NR1I2: variants seen among roughly 807,000 people sequenced by gnomAD.
The protein encoded by NR1I2 is nuclear receptor subfamily 1 group I member 2, also known as orphan nuclear receptor PAR1.
NR1I2 carries 42 observed loss-of-function variants against 43.3 expected under a neutral mutation model. The observed-to-expected ratio is 0.97, with a 90% CI of 0.76 to 1.26. The LOEUF (loss-of-function observed/expected upper bound fraction) is 1.26. Ranked by LOEUF, NR1I2 falls within the 50% of genes most tolerant of loss-of-function variation. The pLI is 0.00. For synonymous variants in NR1I2, 229 were observed against 215.0 expected (o/e 1.06, Z -0.57); for missense variants, 559 against 566.7 (o/e 0.99, Z 0.14).
At position 119,793,381 on chromosome 3, in the gene NR1I2, C is replaced by CA. The variant is rs763269599; in HGVS notation, c.-23+11083dup. ...ACAGCCTCAATCCTTACCACTCAGG[C>CA]AAGATTAAAGAGTTACAGTGCAGCA... On this transcript the variant is annotated intron_variant, in intron 1 of 8. Transcript: ENST00000393716. Among the ~76,000 whole-genome samples the CA allele has an allele frequency of 5.9e-5, 9 of 152,280 alleles. No individual in the cohort carries two copies. The South Asian group carries it at 1.5e-3, about 25-fold the overall frequency.
At chr3:119,794,002 A>G (rs2054958991) in intron 1 of NR1I2, among the ~76,000 whole-genome samples, 1 of 151,840 alleles carries the variant, frequency 6.6e-6, no homozygotes, top group Admixed American at 6.6e-5. Flanking sequence ...TGTATTTGTA[A>G]TTGCGTGTTT....
At chr3:119,806,060 TGTTAGAATTTTACTAAA>T (rs1218098956) in intron 1 of NR1I2, among the ~76,000 whole-genome samples, 1 of 152,218 alleles carries the variant, frequency 6.6e-6, no homozygotes, top group Non-Finnish European at 1.5e-5. Context: ...GAAATTTATG[TGTTAGAATTTTACTAAA>T]GTTTCGATTT....
chr3:119,815,656 G>A (rs1412329127), intron 7 of NR1I2, 70 bp from the exon 8 acceptor site: 14 of 1,378,056 alleles, frequency 1.0e-5, no homozygotes, highest in Non-Finnish European at 1.3e-5. Flanking sequence ...GGCGAGCAAT[G>A]CCCTGACTCT....
chr3:119,792,149 C>A, intron 1 of NR1I2: 1 of 856,982 alleles, frequency 1.2e-6, no homozygotes, highest in Non-Finnish European at 2.0e-6. Context: ...TCACCAGGAT[C>A]GGAGAAGACT....
chr3:119,808,008 T>C (rs137978253), intron 2 of NR1I2, among the ~76,000 whole-genome samples: 392 of 152,278 alleles, frequency 2.6e-3, no homozygotes, highest in Middle Eastern at 6.8e-3. Flanking sequence ...TTCTTCGTGG[T>C]GGCTGGGCAT....
chr3:119,789,610 G>A (rs1243712777), intron 1 of NR1I2, among the ~76,000 whole-genome samples: 1 of 152,186 alleles, frequency 6.6e-6, no homozygotes, highest in Admixed American at 6.5e-5. Context: ...TGAGATTTTG[G>A]TGGGGACACA....
chr3:119,800,914 T>C (rs1290673563), intron 1 of NR1I2, among the ~76,000 whole-genome samples: 1 of 152,134 alleles, frequency 6.6e-6, no homozygotes, highest in Non-Finnish European at 1.5e-5. Flanking sequence ...TAATAAACGG[T>C]TTACCCACTC....
At chr3:119,788,700 A>G (rs906830066) in intron 1 of NR1I2, among the ~76,000 whole-genome samples, 1 of 152,158 alleles carries the variant, frequency 6.6e-6, no homozygotes, top group African/African-American at 2.4e-5. Flanking sequence ...AGCTTCCCTA[A>G]GTGCTGGGAT....
intron 4 of NR1I2, among the ~76,000 whole-genome samples, chr3:119,812,437 G>A (rs1559790563): frequency 6.6e-6 from 1 of 152,222 alleles, no homozygotes; most frequent in East Asian, 1.9e-4. Flanking sequence ...AAGCAGGGAT[G>A]TGTGTGACCA....
Position 119,817,307 on chromosome 3 carries a change from GC to G in NR1I2, c.*97del. ...CCAAGACAGATGGACACTGCCAAGAGCCGACAATGCCCTGCTGGCCTGTCTC... is the reference window on the plus strand; with the variant it reads ...CCAAGACAGATGGACACTGCCAAGAGCGACAATGCCCTGCTGGCCTGTCTC... On this transcript the variant is annotated 3_prime_UTR_variant, in exon 9 of 9. Coordinates refer to ENST00000393716, the MANE Select transcript of NR1I2 (RefSeq NM_003889.4). 6.3e-7 allele frequency: 1 copy of G among 1,598,150 alleles called. No homozygotes were observed. Among genetic ancestry groups the G allele is most frequent in the Non-Finnish European group, 8.5e-7 (1 of 1,177,194 alleles).
At chr3:119,816,807 C>T (rs1044003440) in intron 8 of NR1I2, among the ~76,000 whole-genome samples, 6 of 144,206 alleles carry the variant, frequency 4.2e-5, no homozygotes, top group African/African-American at 1.6e-4. Context: ...GGTGACAGAA[C>T]GAGATCCTGT....
rs2055245060 is a variant in NR1I2 at position 119,811,681 on chromosome 3, G to T, written c.474G>T (p.Gln158His). Residue 158 changes from glutamine (Q) to histidine (H), a missense_variant, in exon 4 of 9, where the codon CAG becomes CAT. Coordinates refer to ENST00000393716, the MANE Select transcript of NR1I2 (RefSeq NM_003889.4). ...TGATCAGGGAGCTGATGGACGCTCAGATGAAAACCTTTGACACTACCTTCT... is the reference window on the plus strand; with the variant it reads ...TGATCAGGGAGCTGATGGACGCTCATATGAAAACCTTTGACACTACCTTCT... 1 of 1,613,648 alleles carries T rather than the reference G, an allele frequency of 6.2e-7. No homozygotes were observed. Among genetic ancestry groups the T allele is most frequent in the Non-Finnish European group, 8.5e-7 (1 of 1,179,798 alleles).
chr3:119,785,946 A>G (rs2054837215), intron 1 of NR1I2, among the ~76,000 whole-genome samples: 1 of 152,248 alleles, frequency 6.6e-6, no homozygotes. Context: ...ACTATTCCAT[A>G]TCAAGTTAGT....
At position 119,807,326 on chromosome 3, in the gene NR1I2, A is replaced by T; in HGVS notation, c.76A>T (p.Lys26Ter). The T allele has an allele frequency of 6.2e-7, 1 of 1,614,240 alleles. No individual in the cohort carries two copies. The highest frequency in any genetic ancestry group is 8.5e-7 in the Non-Finnish European group (1 of 1,180,042). Residue 26 changes from lysine to a stop codon, truncating the protein, a stop_gained, in exon 2 of 9, where the codon AAG becomes TAG. Coordinates refer to ENST00000393716, the MANE Select transcript of NR1I2 (RefSeq NM_003889.4). LOFTEE classifies it high-confidence loss of function. Reference sequence around the variant, plus strand: ...TGAGGACACAGAGTCTGTTCCTGGAAAGCCCAGTGTCAACGCAGATGAGGA... The same window carrying T: ...TGAGGACACAGAGTCTGTTCCTGGATAGCCCAGTGTCAACGCAGATGAGGA...
At chr3:119,786,585 C>A (rs1169795432) in intron 1 of NR1I2, among the ~76,000 whole-genome samples, 21 of 152,198 alleles carry the variant, frequency 1.4e-4, no homozygotes, top group African/African-American at 4.6e-4. Flanking sequence ...AGGCAGTTAA[C>A]TCAGAGGCCA....
chr3:119,794,806 C>T (rs1372145222), intron 1 of NR1I2, among the ~76,000 whole-genome samples: 1 of 152,134 alleles, frequency 6.6e-6, no homozygotes, highest in Non-Finnish European at 1.5e-5. Flanking sequence ...GGTGTAGTGG[C>T]CCATGCCTTG....
At chr3:119,800,639 A>G (rs925978816) in intron 1 of NR1I2, among the ~76,000 whole-genome samples, 1 of 152,106 alleles carries the variant, frequency 6.6e-6, no homozygotes, top group African/African-American at 2.4e-5. Flanking sequence ...TTACCCAGGC[A>G]GGTCTTGAAC....
At chr3:119,810,481 C>A (rs2055224514) in intron 3 of NR1I2, 9 of 500,694 alleles carry the variant, frequency 1.8e-5, no homozygotes, top group Non-Finnish European at 2.9e-5. Flanking sequence ...CTGCATCATT[C>A]TTTTTGTCCC....
chr3:119,802,833 A>T (rs2055098800), intron 1 of NR1I2: 1 of 456,134 alleles, frequency 2.2e-6, no homozygotes, highest in African/African-American at 2.0e-5. Context: ...TAGATGCTCA[A>T]CACATGTCTG....
Sources: allele counts gnomAD v4.1 joint callset (sites outside exome capture counted in the v4.1 genomes callset), GRCh38; gene constraint gnomAD v4.1.1; transcripts MANE v1.5; gene names NCBI Gene and HGNC (gene_info 2026-07-23, HGNC 2026-07-21).